Variants in NRG1 observed in about 807,000 individuals in gnomAD.
The protein encoded by NRG1 is pro-neuregulin-1, membrane-bound isoform.
NRG1 carries 18 observed loss-of-function variants against 63.8 expected under a neutral mutation model. That is an observed-to-expected ratio of 0.28 (90% CI 0.19 to 0.42). NRG1 has a LOEUF of 0.42. NRG1 is among the 10% of genes least tolerant of loss of function. NRG1 has a pLI of 1.00. For missense variants in NRG1, 762 were observed against 814.7 expected, an observed-to-expected ratio of 0.94 and a Z score of 0.79; for synonymous variants, 302 against 301.3, an observed-to-expected ratio of 1.00 and a Z score of -0.02.
chr8:31,889,410 C>T (rs1420308231), intron 1 of NRG1, among the ~76,000 whole-genome samples: 3 of 152,120 alleles, frequency 2.0e-5, no homozygotes, highest in African/African-American at 7.2e-5. Context: ...ACTCTCCCTT[C>T]AAACATCCCA....
At chr8:32,425,909 C>T (rs977066982) in intron 1 of NRG1, among the ~76,000 whole-genome samples, 10 of 152,064 alleles carry the variant, frequency 6.6e-5, no homozygotes, top group African/African-American at 1.7e-4. Flanking sequence ...ATACAGAATA[C>T]GTCCTTTGCT....
At chr8:32,656,902 G>T (rs1801629938) in intron 5 of NRG1, among the ~76,000 whole-genome samples, 1 of 151,964 alleles carries the variant, frequency 6.6e-6, no homozygotes, top group Admixed American at 6.6e-5. Context: ...GACAAGACTT[G>T]ATTTACTGTG....
At chr8:32,170,155 C>T (rs974907063) in intron 1 of NRG1, among the ~76,000 whole-genome samples, 4 of 152,148 alleles carry the variant, frequency 2.6e-5, no homozygotes, top group African/African-American at 9.7e-5. Context: ...CTTCTCTCCT[C>T]TAGAACCATT....
chr8:32,518,384 C>T (rs1408526778), intron 1 of NRG1, among the ~76,000 whole-genome samples: 1 of 152,126 alleles, frequency 6.6e-6, no homozygotes, highest in Non-Finnish European at 1.5e-5. Context: ...ATTTTGAAAT[C>T]CATAAAGAAT....
chr8:32,306,989 T>G (rs1465266506), intron 1 of NRG1, among the ~76,000 whole-genome samples: 1 of 152,214 alleles, frequency 6.6e-6, no homozygotes, highest in Non-Finnish European at 1.5e-5. Context: ...TAAAAAACAT[T>G]GCTCTCACTT....
chr8:32,479,477 C>CA (rs1824954334), intron 1 of NRG1, among the ~76,000 whole-genome samples: 1 of 151,448 alleles, frequency 6.6e-6, no homozygotes, highest in Non-Finnish European at 1.5e-5. Flanking sequence ...ACTCAGTCTC[C>CA]AAAAAATAAA....
chr8:31,993,684 C>G (rs1462873), intron 1 of NRG1, among the ~76,000 whole-genome samples: 97,040 of 151,828 alleles, frequency 0.64, 35,443 homozygotes, highest in Non-Finnish European at 0.82. Flanking sequence ...TGCCCAGTCT[C>G]AGGTGTGTCT....
intron 5 of NRG1, among the ~76,000 whole-genome samples, chr8:32,717,082 T>C (rs906691267): frequency 3.3e-5 from 5 of 152,114 alleles, no homozygotes; most frequent in Non-Finnish European, 7.4e-5. Flanking sequence ...AGGCATAATG[T>C]AAAGTTAATT....
intron 1 of NRG1, among the ~76,000 whole-genome samples, chr8:32,275,677 A>G (rs768759586): frequency 5.3e-5 from 8 of 152,128 alleles, no homozygotes; most frequent in Admixed American, 2.6e-4. Flanking sequence ...CCGTACGTCA[A>G]ATTATGGAGG....
At chr8:32,220,488 G>A (rs903331926) in intron 1 of NRG1, among the ~76,000 whole-genome samples, 4 of 152,246 alleles carry the variant, frequency 2.6e-5, no homozygotes, top group African/African-American at 9.6e-5. Flanking sequence ...TTTAATATCG[G>A]TTAGTAGCTT....
At chr8:32,434,232 A>C (rs554504856) in intron 1 of NRG1, among the ~76,000 whole-genome samples, 78 of 149,340 alleles carry the variant, frequency 5.2e-4, no homozygotes, top group African/African-American at 1.9e-3. Flanking sequence ...TTAGACTTCA[A>C]GTTTTAACTA....
intron 1 of NRG1, among the ~76,000 whole-genome samples, chr8:32,303,749 T>G (rs1469552606): frequency 6.6e-6 from 1 of 152,216 alleles, no homozygotes; most frequent in Non-Finnish European, 1.5e-5. Flanking sequence ...TTAAATTCAG[T>G]TAATATTTAG....
chr8:32,364,094 T>G (rs1252837067), intron 1 of NRG1, among the ~76,000 whole-genome samples: 2 of 149,030 alleles, frequency 1.3e-5, no homozygotes, highest in Non-Finnish European at 3.0e-5. Context: ...TTTTTTTTTT[T>G]TTTTTGCTGG....
intron 5 of NRG1, among the ~76,000 whole-genome samples, chr8:32,633,401 G>T (rs936937156): frequency 6.6e-6 from 1 of 152,012 alleles, no homozygotes; most frequent in African/African-American, 2.4e-5. Context: ...ACCTCCAAAG[G>T]CCTCTTGCCT....
chr8:31,875,330 A>G (rs1347603211), intron 1 of NRG1, among the ~76,000 whole-genome samples: 3 of 152,190 alleles, frequency 2.0e-5, no homozygotes, highest in East Asian at 3.9e-4. Context: ...ATCTTTCTCC[A>G]GACTGGGCAG....
Position 32,325,982 on chromosome 8 carries a change from A to C in NRG1, c.38-269846A>C, listed in dbSNP as rs531505188. ...TTAAGTCTAGAAATGATTTTGTCCAACTGATGTTTTCTCTTCACATCAGAT... is the reference window on the plus strand; with the variant it reads ...TTAAGTCTAGAAATGATTTTGTCCACCTGATGTTTTCTCTTCACATCAGAT... On this transcript the variant is annotated intron_variant, in intron 1 of 10. Transcript: ENST00000519301. Among the ~76,000 whole-genome samples the C allele has an allele frequency of 4.7e-4, 71 of 150,470 alleles. 1 individual carries two copies. In the South Asian group the frequency reaches 0.014, roughly 30 times the overall value.
At chr8:31,826,489 C>T (rs1219409200) in intron 1 of NRG1, among the ~76,000 whole-genome samples, 1 of 152,224 alleles carries the variant, frequency 6.6e-6, no homozygotes, top group Non-Finnish European at 1.5e-5. Context: ...TCGTCTTCCG[C>T]CATAATTGTG....
intron 1 of NRG1, among the ~76,000 whole-genome samples, chr8:32,049,323 C>T (rs1321319146): frequency 6.6e-6 from 1 of 152,058 alleles, no homozygotes; most frequent in Non-Finnish European, 1.5e-5. Flanking sequence ...AAATATATTC[C>T]ATCCAGTTAT....
At chr8:32,495,413 G>A (rs757346958) in intron 1 of NRG1, among the ~76,000 whole-genome samples, 4 of 152,168 alleles carry the variant, frequency 2.6e-5, no homozygotes, top group Admixed American at 2.6e-4. Flanking sequence ...GGAACTGTGA[G>A]TCCATTAAAC....
Sources: gnomAD v4.1 joint callset for allele counts (sites outside exome capture counted in the v4.1 genomes callset) on GRCh38, gnomAD v4.1.1 for gene constraint, MANE v1.5 for transcripts, NCBI Gene and HGNC (gene_info 2026-07-23, HGNC 2026-07-21) for gene names.